The following PLEKHH2 variants were observed in gnomAD, a reference collection of about 807,000 sequenced individuals.
PLEKHH2 encodes pleckstrin homology domain-containing family H member 2.
In PLEKHH2, 129 loss-of-function variants were observed where a neutral mutation model predicts 187.9. That is an observed-to-expected ratio of 0.69 (90% CI 0.59 to 0.79). PLEKHH2 has a LOEUF of 0.79. Ranked by LOEUF, PLEKHH2 falls within the 30% of genes least tolerant of loss-of-function variation. The pLI is 0.00. For missense variants in PLEKHH2, 2,076 were observed against 1,751.2 expected, an observed-to-expected ratio of 1.19 and a Z score of -3.31; for synonymous variants, 686 against 605.6, an observed-to-expected ratio of 1.13 and a Z score of -1.95.
chr2:43,681,717 G>T, intron 3 of PLEKHH2: 1 of 510,496 alleles, frequency 2.0e-6, no homozygotes, highest in Non-Finnish European at 3.4e-6. Flanking sequence ...AGGCAAGGGA[G>T]CTCCCTGATG....
chr2:43,755,677 G>T (rs756737935), intron 25 of PLEKHH2, among the ~76,000 whole-genome samples: 1 of 152,160 alleles, frequency 6.6e-6, no homozygotes, highest in Non-Finnish European at 1.5e-5. Context: ...TATGGCTGAG[G>T]GCTGGAATCA....
Position 43,730,926 on chromosome 2 carries a change from T to C in PLEKHH2, c.2831-564T>C, listed in dbSNP as rs1671006283. The stretch of plus-strand genomic sequence containing the variant: ...TCTTTCCCCAGCTCTTTCTCATATA[T>C]AGTCATGCCCCCTACCTAGGTCACC... On this transcript the variant is annotated intron_variant, in intron 18 of 29. Transcript: ENST00000282406. Among the ~76,000 whole-genome samples the C allele has an allele frequency of 3.3e-5, 5 of 152,204 alleles. 1 individual carries two copies. Among genetic ancestry groups the C allele is most frequent in the Admixed American group, 2.6e-4 (4 of 15,278 alleles).
chr2:43,652,011 A>C (rs539926076), intron 2 of PLEKHH2, among the ~76,000 whole-genome samples: 1 of 152,302 alleles, frequency 6.6e-6, no homozygotes, highest in South Asian at 2.1e-4. Context: ...AAGTAAACTG[A>C]CAATTATGTA....
At chr2:43,689,931 C>T (rs948220966) in intron 3 of PLEKHH2, among the ~76,000 whole-genome samples, 1 of 152,188 alleles carries the variant, frequency 6.6e-6, no homozygotes, top group Non-Finnish European at 1.5e-5. Flanking sequence ...TATGTGGCAA[C>T]CCAATGTCTG....
intron 18 of PLEKHH2, among the ~76,000 whole-genome samples, chr2:43,730,562 C>T (rs1670989277): frequency 6.6e-6 from 1 of 152,156 alleles, no homozygotes; most frequent in South Asian, 2.1e-4. Context: ...CCATGCCCGA[C>T]TAATTTTTGT....
chr2:43,669,212 A>G (rs537637107), intron 2 of PLEKHH2, among the ~76,000 whole-genome samples: 2 of 152,356 alleles, frequency 1.3e-5, no homozygotes, highest in South Asian at 4.1e-4. Flanking sequence ...CCATGCAAGC[A>G]GAGGCTATGA....
chr2:43,761,607 C>T (rs1030964002), intron 27 of PLEKHH2, among the ~76,000 whole-genome samples: 6 of 151,798 alleles, frequency 4.0e-5, no homozygotes, highest in East Asian at 1.9e-4. Context: ...GATGGGGTTT[C>T]GTCATGTTGC....
At chr2:43,677,728 G>C (rs1667895876) in intron 2 of PLEKHH2, among the ~76,000 whole-genome samples, 1 of 151,658 alleles carries the variant, frequency 6.6e-6, no homozygotes, top group Non-Finnish European at 1.5e-5. Context: ...CCTCCAAGAC[G>C]GGGTGGTGGC....
At chr2:43,712,784 C>A (rs755061446) in intron 15 of PLEKHH2, among the ~76,000 whole-genome samples, 1 of 151,874 alleles carries the variant, frequency 6.6e-6, no homozygotes, top group Admixed American at 6.6e-5. Flanking sequence ...GAGAGATCAT[C>A]GAGGTTAGAA....
chr2:43,693,124 A>C (rs1053680845), intron 4 of PLEKHH2, among the ~76,000 whole-genome samples: 1 of 151,700 alleles, frequency 6.6e-6, no homozygotes, highest in Non-Finnish European at 1.5e-5. Context: ...AAGAAGAGAA[A>C]GGGTTTTGCC....
At chr2:43,750,252 A>T (rs964275025) in intron 24 of PLEKHH2, among the ~76,000 whole-genome samples, 1 of 152,168 alleles carries the variant, frequency 6.6e-6, no homozygotes, top group African/African-American at 2.4e-5. Flanking sequence ...CAGGCGGATC[A>T]CCTGAGGTGA....
Position 43,757,101 on chromosome 2 carries a change from T to G in PLEKHH2, c.3796-18T>G. 1 of 1,543,654 alleles carries G rather than the reference T, an allele frequency of 6.5e-7. No individual in the cohort carries two copies. Among genetic ancestry groups the G allele is most frequent in the South Asian group, 1.3e-5 (1 of 78,966 alleles). Reference sequence around the variant, plus strand: ...AACTCTTTTCAATATATTTTCACTTTTGTGGATTTCCAATTAGGTAGAGAT... The same window carrying G: ...AACTCTTTTCAATATATTTTCACTTGTGTGGATTTCCAATTAGGTAGAGAT... On this transcript the variant is annotated intron_variant, in intron 25 of 29. Transcript: ENST00000282406.
chr2:43,710,525 C>G lies in PLEKHH2; in HGVS notation c.2251C>G (p.Leu751Val), dbSNP rs751608251. The G allele has an allele frequency of 1.4e-5, 23 of 1,593,380 alleles. No homozygotes were observed. The highest frequency in any genetic ancestry group is 1.6e-5 in the Non-Finnish European group (19 of 1,174,244). ...VIRKPQGHIE[L>V]SASCSILRGD... ...TAGAAAACCCCAGGGCCATATTGAA[C>G]TTAGTGCATCCTGTAGTATTTTAAG... Residue 751 changes from leucine (L) to valine (V), a missense_variant, in exon 14 of 30, where the codon CTT (leucine) becomes GTT (valine). Physicochemically the swap from Leu to Val is conservative, Grantham distance 32 (BLOSUM62 1). Coordinates refer to ENST00000282406, the MANE Select transcript of PLEKHH2 (RefSeq NM_172069.4).
At chr2:43,650,374 C>T (rs189641997) in intron 2 of PLEKHH2, among the ~76,000 whole-genome samples, 1 of 152,088 alleles carries the variant, frequency 6.6e-6, no homozygotes, top group African/African-American at 2.4e-5. Flanking sequence ...CTTAACTGAT[C>T]TGCCCACCTT....
At chr2:43,687,119 A>G (rs919692869) in intron 3 of PLEKHH2, among the ~76,000 whole-genome samples, 2 of 152,174 alleles carry the variant, frequency 1.3e-5, no homozygotes, top group African/African-American at 4.8e-5. Context: ...ATAGTACCCA[A>G]TAGTTTTTCA....
At chr2:43,657,362 G>A (rs553483110) in intron 2 of PLEKHH2, among the ~76,000 whole-genome samples, 1 of 152,260 alleles carries the variant, frequency 6.6e-6, no homozygotes, top group East Asian at 1.9e-4. Flanking sequence ...CATATCTGAT[G>A]CCTCAGCTGG....
intron 10 of PLEKHH2, 145 bp downstream of exon 10, chr2:43,706,561 T>C: frequency 1.6e-6 from 1 of 641,468 alleles, no homozygotes; most frequent in Admixed American, 3.2e-5. Context: ...CGTTAACATA[T>C]CATAAAAAAG....
intron 11 of PLEKHH2, among the ~76,000 whole-genome samples, chr2:43,708,342 G>A (rs939170434): frequency 2.6e-5 from 4 of 152,160 alleles, no homozygotes; most frequent in Non-Finnish European, 4.4e-5. Context: ...TCTGTACTCA[G>A]CTCCAGTCTC....
chr2:43,715,013 T>G (rs997583644), intron 15 of PLEKHH2, among the ~76,000 whole-genome samples: 1 of 152,004 alleles, frequency 6.6e-6, no homozygotes, highest in East Asian at 1.9e-4. Flanking sequence ...AGCAGTGGCT[T>G]ATGCCTGTAA....
Sources: allele counts gnomAD v4.1 joint callset (sites outside exome capture counted in the v4.1 genomes callset), GRCh38; gene constraint gnomAD v4.1.1; transcripts MANE v1.5; gene names NCBI Gene and HGNC (gene_info 2026-07-23, HGNC 2026-07-21).